Variants in IQSEC3 observed in about 807,000 individuals in gnomAD.
The protein encoded by IQSEC3 is IQ motif and Sec7 domain ArfGEF 3.
In IQSEC3, 50 loss-of-function variants were observed where a neutral mutation model predicts 105.4. The observed-to-expected ratio is 0.47, with a 90% CI of 0.38 to 0.60. The LOEUF is 0.60. Among genes scored for constraint, IQSEC3 ranks in the 20% least tolerant of loss-of-function variants. The pLI, the probability that IQSEC3 is intolerant of heterozygous loss-of-function variation, is 0.00. For synonymous variants in IQSEC3, 708 were observed against 746.0 expected (o/e 0.95, Z 0.83); for missense variants, 1,415 against 1,630.0 (o/e 0.87, Z 2.27).
intron 1 of IQSEC3, 56 bp downstream of exon 1, chr12:67,492 G>T (rs1863146665): frequency 6.3e-7 from 1 of 1,577,476 alleles, no homozygotes; most frequent in African/African-American, 1.4e-5. Context: ...AAGCAAGTGG[G>T]TGTGAGGGAG....
intron 5 of IQSEC3, among the ~76,000 whole-genome samples, chr12:155,680 G>T (rs1320151344): frequency 6.6e-6 from 1 of 152,188 alleles, no homozygotes; most frequent in African/African-American, 2.4e-5. Context: ...AGGTCATGGA[G>T]GAAGTGGGTC....
intron 2 of IQSEC3, among the ~76,000 whole-genome samples, chr12:102,272 G>A (rs1330748089): frequency 6.6e-6 from 1 of 152,098 alleles, no homozygotes; most frequent in African/African-American, 2.4e-5. Flanking sequence ...TAGGAATCAT[G>A]GCCTCCTGAG....
chr12:119,947 C>A (rs1290426623), intron 2 of IQSEC3, among the ~76,000 whole-genome samples: 1 of 152,182 alleles, frequency 6.6e-6, no homozygotes, highest in Non-Finnish European at 1.5e-5. Context: ...GGTGGCACAT[C>A]ACCAAGCCCA....
At chr12:117,826 C>T (rs1201371661) in intron 2 of IQSEC3, among the ~76,000 whole-genome samples, 3 of 152,152 alleles carry the variant, frequency 2.0e-5, no homozygotes, top group African/African-American at 7.2e-5. Flanking sequence ...GGAAGAGAGC[C>T]GGGACAGCCA....
chr12:154,671 G>A (rs1419298804), intron 5 of IQSEC3, among the ~76,000 whole-genome samples: 1 of 152,086 alleles, frequency 6.6e-6, no homozygotes, highest in Non-Finnish European at 1.5e-5. Context: ...CACAGTCCGC[G>A]GTGCACTTCA....
At chr12:145,578 C>T (rs1866229471) in intron 5 of IQSEC3, among the ~76,000 whole-genome samples, 1 of 152,198 alleles carries the variant, frequency 6.6e-6, no homozygotes, top group Non-Finnish European at 1.5e-5. Flanking sequence ...CTGGAACTTG[C>T]TGGGCTTTGC....
At chr12:113,754 C>T (rs929747595) in intron 2 of IQSEC3, among the ~76,000 whole-genome samples, 37 of 152,354 alleles carry the variant, frequency 2.4e-4, no homozygotes, top group African/African-American at 8.7e-4. Flanking sequence ...TTACTGATCA[C>T]TGAAGAACTT....
chr12:166,485 C>T (rs1938657076), intron 11 of IQSEC3, among the ~76,000 whole-genome samples: 1 of 152,178 alleles, frequency 6.6e-6, no homozygotes, highest in Non-Finnish European at 1.5e-5. Flanking sequence ...ATGTGGGTCT[C>T]TTTCTGTGTC....
At chr12:83,377 C>A (rs986807501) in intron 1 of IQSEC3, among the ~76,000 whole-genome samples, 6 of 152,044 alleles carry the variant, frequency 3.9e-5, no homozygotes, top group Admixed American at 2.6e-4. Flanking sequence ...CAAGAAAATT[C>A]ACACACGTAT....
intron 1 of IQSEC3, among the ~76,000 whole-genome samples, chr12:75,978 C>A (rs1229882941): frequency 3.0e-4 from 45 of 152,324 alleles, no homozygotes; most frequent in African/African-American, 1.0e-3. Context: ...CGACCCCAAT[C>A]CTAGCTATGA....
chr12:89,825 A>C lies in IQSEC3; in HGVS notation c.555-9321A>C, dbSNP rs117114972. Reference sequence around the variant, plus strand: ...GTATTACATTGAATGGACATACCACAATTTATCCATTTGCCAGTTAGTGGA... The same window carrying C: ...GTATTACATTGAATGGACATACCACCATTTATCCATTTGCCAGTTAGTGGA... On this transcript the variant is annotated intron_variant, in intron 1 of 13. Coordinates refer to ENST00000538872, the MANE Select transcript of IQSEC3 (RefSeq NM_001170738.2). Among the ~76,000 whole-genome samples the C allele has an allele frequency of 8.7e-3, 1,329 of 151,976 alleles. 12 individuals carry two copies. The highest frequency in any genetic ancestry group is 0.027 in the East Asian group (140 of 5,178).
chr12:165,930 C>CA (rs1867154405), intron 11 of IQSEC3, 40 bp downstream of exon 11: 1 of 1,601,900 alleles, frequency 6.2e-7, no homozygotes, highest in Non-Finnish European at 8.5e-7. Flanking sequence ...TGGGGGTTCC[C>CA]ATTCAGCAAG....
chr12:129,008 T>A (rs1555084276), intron 3 of IQSEC3, among the ~76,000 whole-genome samples: 1 of 152,200 alleles, frequency 6.6e-6, no homozygotes, highest in Non-Finnish European at 1.5e-5. Flanking sequence ...TGTGGCTTTG[T>A]TTCCTCTCCT....
intron 4 of IQSEC3, 118 bp from the exon 5 acceptor site, chr12:141,006 A>G: frequency 1.9e-6 from 2 of 1,045,582 alleles, no homozygotes; most frequent in Non-Finnish European, 2.8e-6. Flanking sequence ...GAGAAGCTTC[A>G]ATGGGGAACT....
At chr12:83,505 G>A (rs1591635256) in intron 1 of IQSEC3, among the ~76,000 whole-genome samples, 1 of 151,880 alleles carries the variant, frequency 6.6e-6, no homozygotes, top group South Asian at 2.1e-4. Flanking sequence ...ATAAAACAGA[G>A]CACGTGAAGA....
intron 1 of IQSEC3, among the ~76,000 whole-genome samples, chr12:75,253 G>A (rs1555068703): frequency 1.3e-5 from 2 of 152,276 alleles, no homozygotes; most frequent in Non-Finnish European, 2.9e-5. Context: ...GTTAACTAAA[G>A]GCCAGGGAAG....
At chr12:81,637 G>A (rs1190041109) in intron 1 of IQSEC3, among the ~76,000 whole-genome samples, 3 of 152,190 alleles carry the variant, frequency 2.0e-5, no homozygotes, top group African/African-American at 7.2e-5. Flanking sequence ...GCATTTGACG[G>A]ATGGCGTTTG....
chr12:103,455 A>T (rs1385636023), intron 2 of IQSEC3, among the ~76,000 whole-genome samples: 4 of 22,002 alleles, frequency 1.8e-4, no homozygotes, highest in Middle Eastern at 0.022. Flanking sequence ...GGCGGGGCTC[A>T]GGCAGGAGAG....
rs1385681645 is a variant in IQSEC3 at position 175,283 on chromosome 12, C to T, written c.*250C>T. 1.6e-5 allele frequency: 7 copies of T among 447,244 alleles called. No homozygotes were observed. Among genetic ancestry groups the T allele is most frequent in the South Asian group, 1.2e-4 (2 of 16,316 alleles). The allele number at this position is 447,244 out of a possible 1,614,324, so 27.7% of individuals were successfully genotyped here. A position where few individuals can be genotyped will look rare whatever the true frequency, so the allele number is the denominator to read the frequency against. ...CAGGGCCCTACACAGCCAGACCCGG[C>T]GAGGCCTCCTCTTCCCCTGGCCACC... On this transcript the variant is annotated 3_prime_UTR_variant, in exon 14 of 14. Coordinates refer to ENST00000538872, the MANE Select transcript of IQSEC3 (RefSeq NM_001170738.2).
Sources: allele counts gnomAD v4.1 joint callset (sites outside exome capture counted in the v4.1 genomes callset), GRCh38; gene constraint gnomAD v4.1.1; transcripts MANE v1.5; gene names NCBI Gene and HGNC (gene_info 2026-07-23, HGNC 2026-07-21).